The following PXDN variants were observed in gnomAD, a reference collection of about 807,000 sequenced individuals.
PXDN encodes peroxidasin homolog.
Under a neutral mutation model 140.3 loss-of-function variants are expected in PXDN, and 77 were observed. The observed-to-expected ratio is 0.55, with a 90% CI of 0.46 to 0.66. The LOEUF is 0.66. Ranked by LOEUF, PXDN falls within the 30% of genes least tolerant of loss-of-function variation. PXDN has a pLI of 0.00. For synonymous variants in PXDN, 911 were observed against 857.4 expected (o/e 1.06, Z -1.09); for missense variants, 1,838 against 2,039.5 (o/e 0.90, Z 1.90).
In PXDN at chr2:1,716,718, G is replaced by A. The variant is rs574890240; in HGVS notation, c.201-23584C>T. Among the ~76,000 whole-genome samples, 13 of 152,258 alleles carry A rather than the reference G, an allele frequency of 8.5e-5. No homozygotes were observed. In the South Asian group the frequency reaches 2.5e-3, roughly 29 times the overall value. On this transcript the variant is annotated intron_variant, in intron 1 of 22. Coordinates refer to ENST00000252804, the MANE Select transcript of PXDN (RefSeq NM_012293.3). Reference sequence around the variant, plus strand: ...AGTGAGGTCCTGTCTGGGGCCTTATGCCCTGGTGGTACCTCTCACGCCCTC... The same window carrying A: ...AGTGAGGTCCTGTCTGGGGCCTTATACCCTGGTGGTACCTCTCACGCCCTC...
chr2:1,741,448 C>T (rs988356831), intron 1 of PXDN, among the ~76,000 whole-genome samples: 80 of 152,260 alleles, frequency 5.3e-4, no homozygotes, highest in African/African-American at 1.6e-3. Context: ...CCTGCCATTC[C>T]AGAGCTCCCT....
chr2:1,743,715 GGAAGGGGAGGAGGAA>G (rs1685610853), intron 1 of PXDN, among the ~76,000 whole-genome samples: 1 of 55,196 alleles, frequency 1.8e-5, no homozygotes, highest in East Asian at 1.3e-3. Context: ...AGGAGGAGGA[GGAAGGGGAGGAGGAA>G]GAGGAGCGGA....
At position 1,635,512 on chromosome 2, in the gene PXDN, G is replaced by C. The variant is rs762872227; in HGVS notation, c.4216C>G (p.Leu1406Val). ...ITDLRTQIKK[L>V]ESRLSTTECV... ...TCTGTGGTACTGAGCCGTGATTCAAGTTTCTTTATCTGCAGCAATGCAAAG... is the reference window on the plus strand; with the variant it reads ...TCTGTGGTACTGAGCCGTGATTCAACTTTCTTTATCTGCAGCAATGCAAAG... Residue 1406 changes from leucine (L) to valine (V), a missense_variant, in exon 22 of 23, where the codon CTT (leucine) becomes GTT (valine). Physicochemically the swap from Leu to Val is conservative, Grantham distance 32 (BLOSUM62 1). Coordinates refer to ENST00000252804, the MANE Select transcript of PXDN (RefSeq NM_012293.3). The C allele has an allele frequency of 1.5e-5, 23 of 1,586,120 alleles. No individual in the cohort carries two copies. The highest frequency in any genetic ancestry group is 2.0e-5 in the Non-Finnish European group (23 of 1,164,594).
At chr2:1,725,347 A>G (rs1685152785) in intron 1 of PXDN, among the ~76,000 whole-genome samples, 1 of 152,146 alleles carries the variant, frequency 6.6e-6, no homozygotes, top group South Asian at 2.1e-4. Context: ...TATTTAATAA[A>G]TGGTGCTGGG....
intron 21 of PXDN, among the ~76,000 whole-genome samples, chr2:1,637,262 G>A (rs1682583670): frequency 6.6e-6 from 1 of 152,196 alleles, no homozygotes; most frequent in Non-Finnish European, 1.5e-5. Flanking sequence ...GACCCCAAGG[G>A]TCAGCCTGGG....
rs1683285057 is a variant in PXDN at position 1,660,768 on chromosome 2, G to A, written c.1837+113C>T. On this transcript the variant is annotated intron_variant, in intron 14 of 22. Coordinates refer to ENST00000252804, the MANE Select transcript of PXDN (RefSeq NM_012293.3). This position sits in a 1 kb window ranked among gnomAD's most constrained non-coding sequence, Gnocchi z 4.6. ...CCCACCTGGGAATCAAGGGTGCTTT[G>A]TCTTCTGAATAATTCTGAACAGCCT... 2.2e-6 allele frequency: 3 copies of A among 1,355,978 alleles called. No individual in the cohort carries two copies. The highest frequency in any genetic ancestry group is 3.1e-5 in the South Asian group (2 of 64,398). The allele number at this position is 1,355,978 out of a possible 1,614,324, so 84.0% of individuals were successfully genotyped here. A position where few individuals can be genotyped will look rare whatever the true frequency, so the allele number is the denominator to read the frequency against.
chr2:1,741,032 GA>G (rs1181962469), intron 1 of PXDN, among the ~76,000 whole-genome samples: 1 of 152,186 alleles, frequency 6.6e-6, no homozygotes, highest in East Asian at 1.9e-4. Flanking sequence ...CTGTGGTGAG[GA>G]TGTTAGTTTT....
chr2:1,694,550 C>T (rs6548061), intron 1 of PXDN, among the ~76,000 whole-genome samples: 93,048 of 152,128 alleles, frequency 0.61, 29,570 homozygotes, highest in African/African-American at 0.8. Flanking sequence ...CATTCCACGC[C>T]GTGCCCTCGC....
At chr2:1,658,992 C>A (rs1260430447) in intron 14 of PXDN, among the ~76,000 whole-genome samples, 1 of 152,226 alleles carries the variant, frequency 6.6e-6, no homozygotes, top group Non-Finnish European at 1.5e-5. Context: ...CATCTCTCCA[C>A]CAGGATCTAA....
intron 1 of PXDN, among the ~76,000 whole-genome samples, chr2:1,711,970 A>G (rs1684797076): frequency 6.6e-6 from 1 of 152,248 alleles, no homozygotes; most frequent in Non-Finnish European, 1.5e-5. Flanking sequence ...GCTTCCCAAG[A>G]CAAGATGTCA....
At position 1,654,438 on chromosome 2, in the gene PXDN, G is replaced by C; in HGVS notation, c.1908C>G (p.Asp636Glu). ...TSIVEAIATVDRAINSTRTHL... is the reference protein window; with the variant it reads ...TSIVEAIATVERAINSTRTHL... ...GTGTTCGGGTTGAGTTTATAGCTCT[G>C]TCAACAGTCGCAATCGCTTCCACGA... is the stretch of plus-strand genomic sequence containing the variant. Residue 636 changes from aspartate to glutamate, a missense_variant, in exon 15 of 23, where the codon GAC (aspartate) becomes GAG (glutamate). Around this residue, in one of 5 missense-constraint regions of PXDN, gnomAD observed 537 missense variants for 583.9 expected, o/e 0.92. Coordinates refer to ENST00000252804, the MANE Select transcript of PXDN (RefSeq NM_012293.3). 6.2e-7 allele frequency: 1 copy of C among 1,613,824 alleles called. No individual in the cohort carries two copies. The highest frequency in any genetic ancestry group is 8.5e-7 in the Non-Finnish European group (1 of 1,179,762).
intron 14 of PXDN, among the ~76,000 whole-genome samples, chr2:1,658,401 T>G (rs990140423): frequency 6.6e-6 from 1 of 151,956 alleles, no homozygotes; most frequent in Non-Finnish European, 1.5e-5. Flanking sequence ...TCTCAATGGG[T>G]GACACTGACA....
intron 19 of PXDN, among the ~76,000 whole-genome samples, chr2:1,640,934 C>T (rs1164499445): frequency 6.6e-6 from 1 of 152,166 alleles, no homozygotes; most frequent in Non-Finnish European, 1.5e-5. Flanking sequence ...CTCCGTCCCT[C>T]CAGGATGGCC....
chr2:1,703,004 A>T (rs1433339972), intron 1 of PXDN, among the ~76,000 whole-genome samples: 16 of 99,510 alleles, frequency 1.6e-4, no homozygotes, highest in Admixed American at 6.1e-4. Flanking sequence ...GGACAACTCC[A>T]GGTGAAGGGG....
At chr2:1,682,269 A>G (rs1558506786) in intron 6 of PXDN, among the ~76,000 whole-genome samples, 1 of 152,222 alleles carries the variant, frequency 6.6e-6, no homozygotes, top group East Asian at 1.9e-4. Context: ...TCTGTTATCT[A>G]TCAAATATGG....
At chr2:1,702,844 C>A (rs1684468070) in intron 1 of PXDN, among the ~76,000 whole-genome samples, 1 of 152,146 alleles carries the variant, frequency 6.6e-6, no homozygotes. Context: ...CCAAGCTGGT[C>A]TCGAACTCCT....
intron 10 of PXDN, 89 bp downstream of exon 10, chr2:1,666,125 T>C: frequency 6.6e-6 from 10 of 1,510,160 alleles, no homozygotes; most frequent in South Asian, 2.5e-5. Context: ...GAAGATTCTA[T>C]GGAGCGTCTG....
chr2:1,648,773 G>A lies in PXDN; in HGVS notation c.3007C>T (p.Leu1003Phe). 6.2e-7 allele frequency: 1 copy of A among 1,604,318 alleles called. No individual in the cohort carries two copies. The highest frequency in any genetic ancestry group is 2.3e-5 in the East Asian group (1 of 44,374). Reference protein sequence around the residue: ...REHNRIATELLKLNPHWDGDT... With the variant: ...REHNRIATELFKLNPHWDGDT... Reference sequence around the variant, plus strand: ...CCGTCCCAGTGCGGGTTCAGCTTGAGCAGCTCCGTGGCAATGCGGTTGTGC... The same window carrying A: ...CCGTCCCAGTGCGGGTTCAGCTTGAACAGCTCCGTGGCAATGCGGTTGTGC... The change falls in exon 17 of 23, where the codon CTC (leucine) becomes TTC (phenylalanine). Residue 1003 changes from leucine to phenylalanine, a missense_variant. Leu to Phe is a conservative substitution (Grantham distance 22). This residue lies in a region of PXDN where 850 missense variants were observed against 894.1 expected (regional missense o/e 0.95). Coordinates refer to ENST00000252804, the MANE Select transcript of PXDN (RefSeq NM_012293.3). The surrounding 1 kb of genome is among the most constrained non-coding windows in gnomAD (Gnocchi z 8.9).
At chr2:1,692,262 C>G (rs1370551354) in intron 2 of PXDN, among the ~76,000 whole-genome samples, 1 of 152,256 alleles carries the variant, frequency 6.6e-6, no homozygotes, top group Non-Finnish European at 1.5e-5. Flanking sequence ...AATTCCTTCT[C>G]TCCTATAGAA....
Sources: gnomAD v4.1 joint callset for allele counts (sites outside exome capture counted in the v4.1 genomes callset) on GRCh38, gnomAD v4.1.1 for gene constraint, gnomAD v4.1.1 regional missense constraint, Gnocchi (gnomAD v3.1) non-coding constraint, MANE v1.5 for transcripts, NCBI Gene and HGNC (gene_info 2026-07-23, HGNC 2026-07-21) for gene names.